The following MYH11 variants were observed in gnomAD, a reference collection of about 807,000 sequenced individuals.
The protein encoded by MYH11 is myosin-11.
In MYH11, 80 loss-of-function variants were observed where a neutral mutation model predicts 246.6. That is an observed-to-expected ratio of 0.32 (90% CI 0.27 to 0.39). The LOEUF (loss-of-function observed/expected upper bound fraction) is 0.39, where lower values mean the gene tolerates loss of function less well. Among genes scored for constraint, MYH11 ranks in the 10% least tolerant of loss-of-function variants. The pLI, the probability that MYH11 is intolerant of heterozygous loss-of-function variation, is 1.00. For synonymous variants in MYH11, 1,071 were observed against 1,015.5 expected (o/e 1.05, Z -1.04); for missense variants, 2,158 against 2,546.8 (o/e 0.85, Z 3.29).
At chr16:15,830,901 G>A (rs1037502460) in intron 2 of MYH11, among the ~76,000 whole-genome samples, 8 of 152,008 alleles carry the variant, frequency 5.3e-5, no homozygotes, top group Non-Finnish European at 1.0e-4. Context: ...GCTGGGCACA[G>A]TGGCTTAAGC....
At chr16:15,745,090 T>TG in intron 20 of MYH11, 39 bp downstream of exon 20, 1 of 1,518,632 alleles carries the variant, frequency 6.6e-7, no homozygotes, top group Non-Finnish European at 9.1e-7. Flanking sequence ...GAAGCAGGGC[T>TG]GGGGGCCCCT....
intron 35 of MYH11, 124 bp from the exon 36 acceptor site, chr16:15,719,432 G>A (rs780877849): frequency 1.8e-5 from 27 of 1,467,748 alleles, no homozygotes; most frequent in Middle Eastern, 2.0e-4. Context: ...GGGAGGCCCC[G>A]TGAATACATA....
chr16:15,828,803 A>AAAGAAG (rs1555457897), intron 2 of MYH11, among the ~76,000 whole-genome samples: 3 of 143,684 alleles, frequency 2.1e-5, no homozygotes, highest in African/African-American at 7.9e-5. Context: ...AAAAAAAAAA[A>AAAGAAG]GAAGGAAGGA....
At chr16:15,761,297 G>T (rs1445644909) in intron 10 of MYH11, among the ~76,000 whole-genome samples, 1 of 152,020 alleles carries the variant, frequency 6.6e-6, no homozygotes, top group Non-Finnish European at 1.5e-5. Context: ...TATTTTAGTT[G>T]AGATGGAGTT....
At chr16:15,828,275 G>A (rs576889062) in intron 2 of MYH11, among the ~76,000 whole-genome samples, 124 of 152,322 alleles carry the variant, frequency 8.1e-4, no homozygotes, top group African/African-American at 2.9e-3. Flanking sequence ...CGGCTGGTAT[G>A]TAGTAGGTGC....
At chr16:15,725,050 G>T in intron 28 of MYH11, 58 bp from the exon 29 acceptor site, 1 of 1,483,856 alleles carries the variant, frequency 6.7e-7, no homozygotes. Context: ...CTCGTTGAAA[G>T]GAGCCCTTTT....
intron 2 of MYH11, among the ~76,000 whole-genome samples, chr16:15,825,750 G>A (rs1043159793): frequency 1.3e-5 from 2 of 151,960 alleles, no homozygotes; most frequent in African/African-American, 2.4e-5. Flanking sequence ...GGCGAGTCCC[G>A]CCATGCTGTA....
chr16:15,766,297 G>A (rs551791417), intron 9 of MYH11, among the ~76,000 whole-genome samples: 1 of 151,694 alleles, frequency 6.6e-6, no homozygotes, highest in South Asian at 2.1e-4. Context: ...GATTTTTCTA[G>A]ATAATGGAAA....
chr16:15,838,177 C>T lies in MYH11; in HGVS notation c.76G>A (p.Ala26Thr). The T allele has an allele frequency of 6.2e-7, 1 of 1,614,124 alleles. No individual in the cohort carries two copies. Reference protein sequence around the residue: ...VDKNFINSPVAQADWAAKRLV... With the variant: ...VDKNFINSPVTQADWAAKRLV... ...CTCTTGGCGGCCCAGTCAGCCTGGG[C>T]CACTGGGCTGTTGATGAAGTTTTTG... Residue 26 changes from alanine (A) to threonine (T), a missense_variant, in exon 2 of 41, where the codon GCC (alanine) becomes ACC (threonine). Coordinates refer to ENST00000300036, the MANE Select transcript of MYH11 (RefSeq NM_002474.3).
At chr16:15,725,179 G>T in intron 28 of MYH11, 187 bp from the exon 29 acceptor site, 1 of 632,020 alleles carries the variant, frequency 1.6e-6, no homozygotes, top group East Asian at 2.7e-5. Context: ...AACAGAATCT[G>T]TGGCTTGAAG....
intron 3 of MYH11, among the ~76,000 whole-genome samples, chr16:15,813,473 C>G (rs1464045344): frequency 6.6e-6 from 1 of 152,046 alleles, no homozygotes; most frequent in East Asian, 1.9e-4. Flanking sequence ...TAATCTGGTC[C>G]TGTCCACCTT....
At chr16:15,812,446 G>T (rs115763790) in intron 3 of MYH11, among the ~76,000 whole-genome samples, 4,013 of 149,516 alleles carry the variant, frequency 0.027, 182 homozygotes, top group African/African-American at 0.092. Flanking sequence ...GCTGGGCACG[G>T]TGGCTCATAC....
chr16:15,721,702 CG>C, intron 31 of MYH11, 68 bp from the exon 32 acceptor site: 1 of 1,531,042 alleles, frequency 6.5e-7, no homozygotes. Flanking sequence ...TTGTAAATAC[CG>C]GGGGAAGCCC....
chr16:15,737,303 C>T, intron 25 of MYH11, 146 bp downstream of exon 25: 2 of 963,326 alleles, frequency 2.1e-6, no homozygotes, highest in Non-Finnish European at 1.6e-6. Flanking sequence ...GTCGAGAAGG[C>T]TTGTGGGAGG....
At chr16:15,834,299 A>G (rs956258396) in intron 2 of MYH11, among the ~76,000 whole-genome samples, 33 of 151,998 alleles carry the variant, frequency 2.2e-4, no homozygotes, top group African/African-American at 7.7e-4. Context: ...GGCCGAGGCA[A>G]GTGGATCACC....
At chr16:15,814,552 TCAAAA>T (rs1336886468) in intron 3 of MYH11, among the ~76,000 whole-genome samples, 1 of 9,274 alleles carries the variant, frequency 1.1e-4, no homozygotes, top group African/African-American at 5.0e-4. Flanking sequence ...AAACTCCATC[TCAAAA>T]AAAAAAAAAA....
intron 3 of MYH11, among the ~76,000 whole-genome samples, chr16:15,811,433 T>G (rs926965926): frequency 6.6e-5 from 10 of 152,144 alleles, no homozygotes; most frequent in Non-Finnish European, 1.3e-4. Flanking sequence ...TCCCCAGGTT[T>G]GACTCTCAGT....
intron 39 of MYH11, 34 bp downstream of exon 39, chr16:15,715,129 TG>T: frequency 6.3e-7 from 1 of 1,579,198 alleles, no homozygotes. Flanking sequence ...GGCTGGGGGC[TG>T]GGGGCTCGAG....
chr16:15,753,053 AC>A (rs1479620854), intron 15 of MYH11, among the ~76,000 whole-genome samples: 3 of 152,170 alleles, frequency 2.0e-5, no homozygotes, highest in Admixed American at 6.5e-5. Flanking sequence ...ATCCAAGACC[AC>A]AGAGCTAGGA....
Sources: gnomAD v4.1 joint callset for allele counts (sites outside exome capture counted in the v4.1 genomes callset) on GRCh38, gnomAD v4.1.1 for gene constraint, MANE v1.5 for transcripts, NCBI Gene and HGNC (gene_info 2026-07-23, HGNC 2026-07-21) for gene names.